ROBO2: variants seen among roughly 807,000 people sequenced by gnomAD.
ROBO2 encodes roundabout guidance receptor 2.
In ROBO2, 53 loss-of-function variants were observed where a neutral mutation model predicts 160.8. The observed-to-expected ratio is 0.33, with a 90% CI of 0.26 to 0.41. The LOEUF is 0.41. ROBO2 is among the 10% of genes least tolerant of loss of function. The pLI is 1.00. For synonymous variants in ROBO2, 664 were observed against 611.7 expected (o/e 1.09, Z -1.26); for missense variants, 1,577 against 1,722.4 (o/e 0.92, Z 1.49).
At chr3:77,401,770 G>T (rs969480519) in intron 2 of ROBO2, among the ~76,000 whole-genome samples, 12 of 151,992 alleles carry the variant, frequency 7.9e-5, no homozygotes, top group Non-Finnish European at 1.8e-4. Flanking sequence ...AATAATAATT[G>T]GTTATATACC....
intron 2 of ROBO2, among the ~76,000 whole-genome samples, chr3:76,913,732 CGAATAATACTCCTTTAGATGAGTAACTGT>C: frequency 6.6e-6 from 1 of 152,032 alleles, no homozygotes; most frequent in Admixed American, 6.5e-5. Context: ...TTCTTTCTAG[CGAATAATACTCCTTTAGATGAGTAACTGT>C]GAATAATACT....
chr3:76,356,682 C>T (rs78232192), intron 2 of ROBO2, among the ~76,000 whole-genome samples: 3,176 of 151,840 alleles, frequency 0.021, 60 homozygotes, highest in South Asian at 0.076. Flanking sequence ...ATGGACATAT[C>T]TACCGTCATA....
intron 2 of ROBO2, among the ~76,000 whole-genome samples, chr3:77,409,078 T>A (rs1045911561): frequency 1.5e-5 from 2 of 137,306 alleles, no homozygotes; most frequent in Non-Finnish European, 3.1e-5. Context: ...TATGCTAGCA[T>A]CTTGAAATAC....
intron 2 of ROBO2, among the ~76,000 whole-genome samples, chr3:76,747,046 C>G (rs1267556841): frequency 6.6e-6 from 1 of 152,112 alleles, no homozygotes; most frequent in African/African-American, 2.4e-5. Flanking sequence ...TTTATCCAGT[C>G]TATCATTGAT....
At chr3:76,918,699 A>G (rs528454479) in intron 2 of ROBO2, among the ~76,000 whole-genome samples, 5 of 152,244 alleles carry the variant, frequency 3.3e-5, no homozygotes, top group Non-Finnish European at 7.3e-5. Flanking sequence ...TTCAGTCAGC[A>G]TAATTGAAAG....
chr3:76,596,746 A>G (rs2086760073), intron 2 of ROBO2, among the ~76,000 whole-genome samples: 1 of 152,086 alleles, frequency 6.6e-6, no homozygotes, highest in South Asian at 2.1e-4. Context: ...TTCATAAAAG[A>G]GATACAGTCT....
chr3:76,532,560 A>G (rs2082286028), intron 2 of ROBO2, among the ~76,000 whole-genome samples: 1 of 152,326 alleles, frequency 6.6e-6, no homozygotes, highest in East Asian at 1.9e-4. Context: ...ATAATGTACC[A>G]TTTGACCTTG....
At chr3:76,545,329 T>A in intron 2 of ROBO2, among the ~76,000 whole-genome samples, 1 of 152,010 alleles carries the variant, frequency 6.6e-6, no homozygotes, top group East Asian at 1.9e-4. Context: ...TAGATGTAAT[T>A]ATAGAAATTC....
intron 2 of ROBO2, among the ~76,000 whole-genome samples, chr3:76,474,259 G>C (rs2078815869): frequency 6.6e-6 from 1 of 152,132 alleles, no homozygotes; most frequent in East Asian, 1.9e-4. Flanking sequence ...AATGCCACTA[G>C]AGAGGAAATT....
intron 2 of ROBO2, among the ~76,000 whole-genome samples, chr3:76,613,836 C>T (rs1310450439): frequency 6.6e-6 from 1 of 152,010 alleles, no homozygotes; most frequent in Non-Finnish European, 1.5e-5. Context: ...CCATTAGTTA[C>T]ATTAAGAACT....
intron 2 of ROBO2, among the ~76,000 whole-genome samples, chr3:76,433,529 T>C: frequency 6.6e-6 from 1 of 152,230 alleles, no homozygotes; most frequent in East Asian, 1.9e-4. Flanking sequence ...CTATGTGTTA[T>C]TTTTTCTGCG....
At chr3:76,088,801 G>A (rs1352244508) in intron 2 of ROBO2, among the ~76,000 whole-genome samples, 1 of 151,506 alleles carries the variant, frequency 6.6e-6, no homozygotes, top group Non-Finnish European at 1.5e-5. Flanking sequence ...TTCACATGAA[G>A]AAACTAGAAA....
intron 2 of ROBO2, among the ~76,000 whole-genome samples, chr3:76,338,656 A>C (rs1174532339): frequency 6.6e-6 from 1 of 151,704 alleles, no homozygotes; most frequent in Non-Finnish European, 1.5e-5. Flanking sequence ...AGCCTGGGAG[A>C]GTGACAGAGC....
intron 2 of ROBO2, among the ~76,000 whole-genome samples, chr3:77,409,335 T>G (rs756712083): frequency 1.3e-5 from 2 of 151,986 alleles, no homozygotes; most frequent in Non-Finnish European, 2.9e-5. Flanking sequence ...TCTTTTTGTA[T>G]TGTATTGAGG....
chr3:76,890,733 G>A (rs982997232), intron 2 of ROBO2, among the ~76,000 whole-genome samples: 2 of 152,102 alleles, frequency 1.3e-5, no homozygotes, highest in Non-Finnish European at 2.9e-5. Flanking sequence ...AACAATGCTA[G>A]CATTTTTATT....
chr3:76,907,444 G>T (rs1224582433), intron 2 of ROBO2, among the ~76,000 whole-genome samples: 1 of 152,112 alleles, frequency 6.6e-6, no homozygotes, highest in Non-Finnish European at 1.5e-5. Flanking sequence ...ACAGTAGAAC[G>T]AGATTGGATG....
intron 2 of ROBO2, among the ~76,000 whole-genome samples, chr3:76,270,723 A>G (rs537123027): frequency 6.6e-6 from 1 of 152,126 alleles, no homozygotes; most frequent in East Asian, 1.9e-4. Flanking sequence ...ACAAAAAGAA[A>G]GAAGGAAGGG....
intron 6 of ROBO2, among the ~76,000 whole-genome samples, chr3:77,537,815 C>T (rs1052359586): frequency 6.6e-6 from 1 of 152,056 alleles, no homozygotes; most frequent in Non-Finnish European, 1.5e-5. Context: ...TGTGGGGGAA[C>T]TCTCCTTTAT....
At position 77,498,841 on chromosome 3, in the gene ROBO2, TG is replaced by T. The variant is rs2087151441; in HGVS notation, c.806+5460del. Among the ~76,000 whole-genome samples the T allele has an allele frequency of 3.9e-5, 6 of 152,262 alleles. No homozygotes were observed. In the South Asian group the frequency reaches 1.2e-3, roughly 32 times the overall value. On this transcript the variant is annotated intron_variant, in intron 5 of 25. Transcript: ENST00000461745. ...TTGAGCTCCTGATAAATAACCACAC[TG>T]ATTAGGTTGGCTGGTAAAGACTGGG...
Sources: allele counts gnomAD v4.1 joint callset (sites outside exome capture counted in the v4.1 genomes callset), GRCh38; gene constraint gnomAD v4.1.1; transcripts MANE v1.5; gene names NCBI Gene and HGNC (gene_info 2026-07-23, HGNC 2026-07-21).